LRRFIP1: variants seen among roughly 807,000 people sequenced by gnomAD.
LRRFIP1 encodes leucine-rich repeat flightless-interacting protein 1.
In LRRFIP1, 62 loss-of-function variants were observed where a neutral mutation model predicts 104.4. The observed-to-expected ratio is 0.59, with a 90% CI of 0.48 to 0.73. LRRFIP1 has a LOEUF of 0.73. Among genes scored for constraint, LRRFIP1 ranks in the 30% least tolerant of loss-of-function variants. The pLI is 0.00. For synonymous variants in LRRFIP1, 300 were observed against 299.0 expected (o/e 1.00, Z -0.03); for missense variants, 796 against 824.5 (o/e 0.97, Z 0.42).
intron 1 of LRRFIP1, among the ~76,000 whole-genome samples, chr2:237,641,750 T>C (rs2084012457): frequency 6.6e-6 from 1 of 152,230 alleles, no homozygotes; most frequent in Non-Finnish European, 1.5e-5. Flanking sequence ...TAAATATGAT[T>C]TTTAAAAATA....
chr2:237,772,294 C>A, intron 21 of LRRFIP1, 96 bp downstream of exon 21: 2 of 886,796 alleles, frequency 2.3e-6, no homozygotes, highest in East Asian at 5.1e-5. Context: ...AAAGAATGCC[C>A]TCATTCCCTC....
intron 1 of LRRFIP1, among the ~76,000 whole-genome samples, chr2:237,669,593 T>C (rs2090015588): frequency 6.6e-6 from 1 of 152,224 alleles, no homozygotes; most frequent in Non-Finnish European, 1.5e-5. Context: ...GAAATATGCC[T>C]GACCAGGTGC....
intron 12 of LRRFIP1, 48 bp from the exon 13 acceptor site, chr2:237,749,151 G>A: frequency 6.3e-7 from 1 of 1,583,148 alleles, no homozygotes; most frequent in Non-Finnish European, 8.6e-7. Flanking sequence ...ATTTGGGTGG[G>A]GACACAGAGC....
At chr2:237,668,394 G>A (rs568236917) in intron 1 of LRRFIP1, among the ~76,000 whole-genome samples, 25 of 152,234 alleles carry the variant, frequency 1.6e-4, no homozygotes, top group Non-Finnish European at 2.6e-4. Flanking sequence ...AATAAAGTCT[G>A]CCTTACCATC....
intron 1 of LRRFIP1, among the ~76,000 whole-genome samples, chr2:237,638,435 G>A (rs533903326): frequency 3.0e-4 from 45 of 152,322 alleles, no homozygotes; most frequent in African/African-American, 8.7e-4. Context: ...CCCGCCTGCC[G>A]CTCACCTCCT....
At chr2:237,692,754 A>G (rs1032798095) in intron 1 of LRRFIP1, among the ~76,000 whole-genome samples, 2 of 152,222 alleles carry the variant, frequency 1.3e-5, no homozygotes, top group African/African-American at 4.8e-5. Flanking sequence ...CGCCACCTCC[A>G]AGGACGAAAA....
intron 1 of LRRFIP1, among the ~76,000 whole-genome samples, chr2:237,658,545 C>G (rs1439807744): frequency 6.6e-6 from 1 of 152,120 alleles, no homozygotes. Context: ...AAGAACTGCC[C>G]AAGACTGGGT....
rs1185864589 is a variant in LRRFIP1 at position 237,744,916 on chromosome 2, CCACCATGTCCTCTGGACCCCTCTCTG to C, written c.634-3440_634-3415del. Among the ~76,000 whole-genome samples, 40 of 152,272 alleles carry C rather than the reference CCACCATGTCCTCTGGACCCCTCTCTG, an allele frequency of 2.6e-4. 1 individual carries two copies. Among genetic ancestry groups the C allele is most frequent in the Admixed American group, 1.7e-3 (26 of 15,292 alleles). On this transcript the variant is annotated intron_variant, in intron 11 of 23. Coordinates refer to ENST00000308482, the MANE Select transcript of LRRFIP1 (RefSeq NM_001137550.2). ...GCAGAGCAGCCTGGACCGTCTGCAG[CCACCATGTCCTCTGGACCCCTCTCTG>C]CACCATGCCCACCTCCTCCAGGCCC...
intron 1 of LRRFIP1, among the ~76,000 whole-genome samples, chr2:237,670,842 T>C (rs1382009505): frequency 6.6e-6 from 1 of 152,204 alleles, no homozygotes; most frequent in Non-Finnish European, 1.5e-5. Flanking sequence ...AGCAAGCACA[T>C]GGAAGCGTGC....
chr2:237,759,755 C>T (rs1051205641), intron 18 of LRRFIP1, among the ~76,000 whole-genome samples: 1 of 152,174 alleles, frequency 6.6e-6, no homozygotes, highest in Admixed American at 6.5e-5. Context: ...GCTTACTGCT[C>T]CACTTGGGGG....
intron 20 of LRRFIP1, among the ~76,000 whole-genome samples, chr2:237,771,551 T>TACCCC: frequency 2.0e-5 from 1 of 50,012 alleles, no homozygotes. Context: ...CTGGAACCAA[T>TACCCC]CCCCCCCCCC....
intron 1 of LRRFIP1, among the ~76,000 whole-genome samples, chr2:237,631,087 G>A (rs915589534): frequency 2.0e-5 from 3 of 152,208 alleles, no homozygotes; most frequent in Non-Finnish European, 2.9e-5. Flanking sequence ...GGGGAGAGCC[G>A]GCCTCCCTGA....
chr2:237,718,693 TA>T (rs1237257399), intron 4 of LRRFIP1, among the ~76,000 whole-genome samples: 1 of 152,252 alleles, frequency 6.6e-6, no homozygotes, highest in African/African-American at 2.4e-5. Context: ...AATGTCCTAT[TA>T]AATGTTCCTT....
At chr2:237,739,197 C>T (rs1273534190) in intron 10 of LRRFIP1, 35 bp from the exon 11 acceptor site, 7 of 1,541,746 alleles carry the variant, frequency 4.5e-6, no homozygotes, top group Admixed American at 3.9e-5. Context: ...TCCTTTGTTT[C>T]TGGCTGCGTG....
intron 1 of LRRFIP1, among the ~76,000 whole-genome samples, chr2:237,706,555 G>A (rs920537620): frequency 1.3e-5 from 2 of 152,174 alleles, no homozygotes; most frequent in African/African-American, 2.4e-5. Flanking sequence ...TGGCCCATTG[G>A]TAGGGCCGTA....
intron 1 of LRRFIP1, among the ~76,000 whole-genome samples, chr2:237,639,459 A>G (rs1378859475): frequency 6.6e-6 from 1 of 152,216 alleles, no homozygotes; most frequent in Non-Finnish European, 1.5e-5. Context: ...TCAAGCATCA[A>G]CAGTAAGGTA....
At chr2:237,707,062 G>A (rs1340722744) in intron 1 of LRRFIP1, among the ~76,000 whole-genome samples, 1 of 152,186 alleles carries the variant, frequency 6.6e-6, no homozygotes, top group East Asian at 1.9e-4. Context: ...GTTGATAAAG[G>A]AGCCAAGCGA....
chr2:237,754,936 G>T (rs756029909), intron 15 of LRRFIP1, among the ~76,000 whole-genome samples: 1 of 152,184 alleles, frequency 6.6e-6, no homozygotes, highest in African/African-American at 2.4e-5. Flanking sequence ...ATGGACACAG[G>T]GGCCATGCAA....
intron 2 of LRRFIP1, among the ~76,000 whole-genome samples, chr2:237,710,911 A>C (rs2094045434): frequency 6.6e-6 from 1 of 152,178 alleles, no homozygotes; most frequent in South Asian, 2.1e-4. Flanking sequence ...AAAATAAAAA[A>C]TAAGCCAGGC....
Sources: allele counts gnomAD v4.1 joint callset (sites outside exome capture counted in the v4.1 genomes callset), GRCh38; gene constraint gnomAD v4.1.1; transcripts MANE v1.5; gene names NCBI Gene and HGNC (gene_info 2026-07-23, HGNC 2026-07-21).